Variants in C7orf78 observed in about 807,000 individuals in gnomAD.
C7orf78 encodes chromosome 7 open reading frame 78, also known as putative uncharacterized protein C7orf78.
the C7orf78 span, among the ~76,000 whole-genome samples, chr7:12,528,205 T>C: frequency 6.6e-6 from 1 of 151,180 alleles, no homozygotes; most frequent in Non-Finnish European, 1.5e-5. Context: ...ACATGTCTAC[T>C]TTCCTAGTAT....
the C7orf78 span, among the ~76,000 whole-genome samples, chr7:12,510,494 C>G: frequency 6.6e-6 from 1 of 152,132 alleles, no homozygotes; most frequent in African/African-American, 2.4e-5. Flanking sequence ...AATCTCCATA[C>G]TGTAGTGAGA....
At chr7:12,532,978 CT>C in the C7orf78 span, among the ~76,000 whole-genome samples, 1 of 152,074 alleles carries the variant, frequency 6.6e-6, no homozygotes, top group African/African-American at 2.4e-5. Flanking sequence ...TAGAGTCATC[CT>C]ACTAATGATT....
At chr7:12,522,790 G>T in the C7orf78 span, among the ~76,000 whole-genome samples, 1 of 152,138 alleles carries the variant, frequency 6.6e-6, no homozygotes. Flanking sequence ...TGTGACAAAG[G>T]TGCTGAATAA....
chr7:12,534,069 G>A, the C7orf78 span, among the ~76,000 whole-genome samples: 1 of 152,020 alleles, frequency 6.6e-6, no homozygotes, highest in Non-Finnish European at 1.5e-5. Flanking sequence ...CCCTATGAAG[G>A]TTCAAATAAA....
chr7:12,518,966 A>G, the C7orf78 span, among the ~76,000 whole-genome samples: 2 of 152,110 alleles, frequency 1.3e-5, no homozygotes, highest in East Asian at 3.9e-4. Context: ...GAGGATGTGC[A>G]CTAGAGTACA....
chr7:12,505,338 G>C, the C7orf78 span, among the ~76,000 whole-genome samples: 1 of 152,048 alleles, frequency 6.6e-6, no homozygotes. Context: ...ACTATGCATA[G>C]AGTTTGTAGA....
At chr7:12,487,970 A>T in the C7orf78 span, among the ~76,000 whole-genome samples, 1 of 152,076 alleles carries the variant, frequency 6.6e-6, no homozygotes, top group African/African-American at 2.4e-5. Context: ...TATAAACATT[A>T]TCCCATCGTC....
chr7:12,496,113 G>A, the C7orf78 span, among the ~76,000 whole-genome samples: 23 of 152,190 alleles, frequency 1.5e-4, no homozygotes, highest in African/African-American at 4.1e-4. Flanking sequence ...TTTTAGTAGA[G>A]ACGGGGTTTC....
chr7:12,529,252 G>C, the C7orf78 span, among the ~76,000 whole-genome samples: 1 of 152,114 alleles, frequency 6.6e-6, no homozygotes, highest in Non-Finnish European at 1.5e-5. Flanking sequence ...TCTAGATCTT[G>C]ATAAAAGAAT....
the C7orf78 span, among the ~76,000 whole-genome samples, chr7:12,487,341 A>T: frequency 6.6e-6 from 1 of 152,092 alleles, no homozygotes; most frequent in African/African-American, 2.4e-5. Context: ...ACAACCTATT[A>T]GAATACTGAA....
At chr7:12,495,646 C>G in the C7orf78 span, among the ~76,000 whole-genome samples, 1 of 152,096 alleles carries the variant, frequency 6.6e-6, no homozygotes, top group African/African-American at 2.4e-5. Context: ...TAAAGAAAGT[C>G]TCTTGTTTTT....
At chr7:12,501,841 G>C in the C7orf78 span, among the ~76,000 whole-genome samples, 16 of 91,650 alleles carry the variant, frequency 1.7e-4, no homozygotes, top group Non-Finnish European at 3.3e-4. Context: ...ATACTACAAG[G>C]CTACAGTAAC....
the C7orf78 span, among the ~76,000 whole-genome samples, chr7:12,511,537 C>T: frequency 1.3e-5 from 2 of 152,216 alleles, no homozygotes; most frequent in East Asian, 1.9e-4. Context: ...GTGTCATCTA[C>T]AATTTCTTTC....
chr7:12,523,343 C>T, the C7orf78 span: 1 of 398,296 alleles, frequency 2.5e-6, no homozygotes. Context: ...TCTGGATTTA[C>T]AAAAAGCAAA....
chr7:12,503,305 A>C, the C7orf78 span, among the ~76,000 whole-genome samples: 2 of 152,074 alleles, frequency 1.3e-5, no homozygotes, highest in African/African-American at 4.8e-5. Context: ...GATAATTGGA[A>C]ACTTGAATTG....
At chr7:12,526,302 A>G in the C7orf78 span, among the ~76,000 whole-genome samples, 1 of 152,174 alleles carries the variant, frequency 6.6e-6, no homozygotes, top group East Asian at 1.9e-4. Flanking sequence ...TACTGTGAGC[A>G]TTAAATCTGC....
chr7:12,541,002 T>C, the C7orf78 span: 5 of 152,164 alleles, frequency 3.3e-5, no homozygotes, highest in Admixed American at 6.5e-5. Flanking sequence ...AGTGAGAACA[T>C]TGATGAATTC....
the C7orf78 span, chr7:12,523,478 T>C: frequency 2.5e-6 from 1 of 397,446 alleles, no homozygotes; most frequent in East Asian, 3.6e-5. Context: ...AGGGGAACTA[T>C]GTATTATTTT....
At chr7:12,533,343 G>A in the C7orf78 span, among the ~76,000 whole-genome samples, 1 of 151,756 alleles carries the variant, frequency 6.6e-6, no homozygotes, top group African/African-American at 2.4e-5. Context: ...TGGGATTACA[G>A]GTTCCCATCA....
Sources: allele counts gnomAD v4.1 joint callset (sites outside exome capture counted in the v4.1 genomes callset), GRCh38; gene constraint gnomAD v4.1.1; transcripts MANE v1.5; gene names NCBI Gene and HGNC (gene_info 2026-07-23, HGNC 2026-07-21).